The following TENM3 variants were observed in gnomAD, a reference collection of about 807,000 sequenced individuals.
The protein encoded by TENM3 is teneurin-3.
In TENM3, 63 loss-of-function variants were observed where a neutral mutation model predicts 255.1. The ratio of observed to expected loss-of-function variants is 0.25; its 90% CI spans 0.20 to 0.30. The LOEUF is 0.30. Ranked by LOEUF, TENM3 falls within the 10% of genes least tolerant of loss-of-function variation. TENM3 has a pLI of 1.00. For missense variants in TENM3, 2,929 were observed against 3,461.1 expected, an observed-to-expected ratio of 0.85 and a Z score of 3.86; for synonymous variants, 1,306 against 1,322.3, an observed-to-expected ratio of 0.99 and a Z score of 0.27.
the TENM3 span, among the ~76,000 whole-genome samples, chr4:181,683,594 T>C: frequency 6.6e-6 from 1 of 152,158 alleles, no homozygotes; most frequent in East Asian, 1.9e-4. Flanking sequence ...TGAGAACCTA[T>C]GCACTAGAAA....
chr4:182,519,705 A>G (rs1023464407), intron 3 of TENM3, among the ~76,000 whole-genome samples: 2 of 152,216 alleles, frequency 1.3e-5, no homozygotes, highest in Non-Finnish European at 1.5e-5. Flanking sequence ...AAAAATTAAA[A>G]GATGACTTAC....
intron 3 of TENM3, among the ~76,000 whole-genome samples, chr4:182,495,999 G>T (rs540419653): frequency 2.0e-5 from 3 of 152,324 alleles, no homozygotes; most frequent in South Asian, 2.1e-4. Flanking sequence ...ACATGATATT[G>T]TCAGGTGAGC....
intron 3 of TENM3, among the ~76,000 whole-genome samples, chr4:182,536,071 C>T (rs1007042252): frequency 1.3e-5 from 2 of 152,086 alleles, no homozygotes. Context: ...GAGATAAATG[C>T]CACGAACAAA....
chr4:181,784,842 G>C, the TENM3 span, among the ~76,000 whole-genome samples: 546 of 152,212 alleles, frequency 3.6e-3, 1 homozygote, highest in Non-Finnish European at 5.9e-3. Context: ...TTACTGTTGA[G>C]TGTAAAGGGA....
chr4:181,535,451 A>G, the TENM3 span, among the ~76,000 whole-genome samples: 3 of 152,124 alleles, frequency 2.0e-5, no homozygotes, highest in Non-Finnish European at 4.4e-5. Context: ...TAGCCTTCTA[A>G]CTGAGCTGCC....
chr4:181,870,636 G>C, the TENM3 span, among the ~76,000 whole-genome samples: 24 of 152,118 alleles, frequency 1.6e-4, no homozygotes, highest in African/African-American at 5.8e-4. Flanking sequence ...TGTCTGACTT[G>C]CTTTTAAAGT....
At chr4:181,780,050 G>T in the TENM3 span, among the ~76,000 whole-genome samples, 1 of 152,124 alleles carries the variant, frequency 6.6e-6, no homozygotes. Flanking sequence ...TGGACATTTG[G>T]GTTGGTTCCA....
upstream of TENM3, chr4:182,142,194 T>G (rs923546408): frequency 2.6e-5 from 4 of 152,118 alleles, no homozygotes; most frequent in African/African-American, 4.8e-5. Flanking sequence ...TGACCTTATC[T>G]TTTTCAAGTG....
intron 1 of TENM3, among the ~76,000 whole-genome samples, chr4:182,230,279 C>G (rs1045488982): frequency 6.6e-6 from 1 of 152,062 alleles, no homozygotes; most frequent in Non-Finnish European, 1.5e-5. Flanking sequence ...TTCCACCAGG[C>G]TCCTCACACC....
rs193270446 is a variant in TENM3, at chr4:182,680,545, G to A, written c.1642G>A (p.Ala548Thr). ...GFLGPDCSRA[A>T]CPVLCSGNGQ... ...TTCTGTCGTGTCTTGTTTCACAGCC[G>A]CCTGTCCAGTGTTATGTAGTGGCAA... Residue 548 changes from alanine (A) to threonine (T), a missense_variant and splice_region_variant, in exon 10 of 28, where the codon GCC (alanine) becomes ACC (threonine). Physicochemically the swap from Ala to Thr is moderately conservative, Grantham distance 58. Transcript: ENST00000511685. 4.6e-5 allele frequency: 74 copies of A among 1,611,812 alleles called. 1 individual carries two copies. The East Asian group carries it at 1.5e-3, about 33-fold the overall frequency.
At chr4:182,055,891 A>C in the TENM3 span, among the ~76,000 whole-genome samples, 1 of 152,184 alleles carries the variant, frequency 6.6e-6, no homozygotes, top group South Asian at 2.1e-4. Context: ...GAAGGGAAAC[A>C]ATAATTATAT....
the TENM3 span, among the ~76,000 whole-genome samples, chr4:181,798,439 G>A: frequency 1.3e-5 from 2 of 152,048 alleles, no homozygotes; most frequent in African/African-American, 4.8e-5. Flanking sequence ...CTCCCTAGTG[G>A]CTGGGAGCCC....
chr4:181,919,033 C>A, the TENM3 span, among the ~76,000 whole-genome samples: 40 of 152,118 alleles, frequency 2.6e-4, no homozygotes, highest in Non-Finnish European at 5.0e-4. Flanking sequence ...GGGAGCAATG[C>A]CATAGGTGCC....
chr4:182,631,175 A>G (rs1179376344), intron 5 of TENM3, among the ~76,000 whole-genome samples: 1 of 152,004 alleles, frequency 6.6e-6, no homozygotes, highest in African/African-American at 2.4e-5. Context: ...ATTTTTCCCC[A>G]CATGGCAACA....
the TENM3 span, among the ~76,000 whole-genome samples, chr4:182,098,299 G>T: frequency 6.6e-6 from 1 of 152,076 alleles, no homozygotes. Context: ...TCTAAACATA[G>T]AATTACCCTA....
chr4:182,029,566 C>A, the TENM3 span, among the ~76,000 whole-genome samples: 1 of 151,910 alleles, frequency 6.6e-6, no homozygotes, highest in Non-Finnish European at 1.5e-5. Context: ...CTGAATGGAC[C>A]CCTTTGTCAT....
At chr4:182,152,570 C>A (rs982643423) in intron 1 of TENM3, among the ~76,000 whole-genome samples, 1 of 151,776 alleles carries the variant, frequency 6.6e-6, no homozygotes. Flanking sequence ...AATATACAAT[C>A]TCTGAATGAA....
At chr4:181,808,954 C>T in the TENM3 span, among the ~76,000 whole-genome samples, 1 of 152,176 alleles carries the variant, frequency 6.6e-6, no homozygotes, top group African/African-American at 2.4e-5. Context: ...TTCCTATTAG[C>T]ATGTAAGCAA....
the TENM3 span, among the ~76,000 whole-genome samples, chr4:181,869,585 A>G: frequency 6.6e-6 from 1 of 152,122 alleles, no homozygotes; most frequent in Non-Finnish European, 1.5e-5. Context: ...CAGCATCAAA[A>G]CATCGCATGT....
Sources: allele counts gnomAD v4.1 joint callset (sites outside exome capture counted in the v4.1 genomes callset), GRCh38; gene constraint gnomAD v4.1.1; transcripts MANE v1.5; gene names NCBI Gene and HGNC (gene_info 2026-07-23, HGNC 2026-07-21).